NUP54: variants seen among roughly 807,000 people sequenced by gnomAD.
NUP54 encodes nucleoporin 54, also known as nucleoporin p54.
A neutral mutation model predicts 66.4 loss-of-function variants in NUP54; 27 were observed. The observed-to-expected ratio is 0.41, with a 90% CI of 0.30 to 0.56. The LOEUF (loss-of-function observed/expected upper bound fraction) is 0.56, where lower values mean the gene tolerates loss of function less well. Among genes scored for constraint, NUP54 ranks in the 20% least tolerant of loss-of-function variants. NUP54 has a pLI of 0.34. For missense variants in NUP54, 486 were observed against 596.3 expected, an observed-to-expected ratio of 0.82 and a Z score of 1.93; for synonymous variants, 206 against 210.7, an observed-to-expected ratio of 0.98 and a Z score of 0.19.
chr4:76,144,440 G>T lies in NUP54; in HGVS notation c.101C>A (p.Thr34Asn). 1 of 1,607,034 alleles carries T rather than the reference G, an allele frequency of 6.2e-7. No homozygotes were observed. The highest frequency in any genetic ancestry group is 8.5e-7 in the Non-Finnish European group (1 of 1,178,138). Residue 34 changes from threonine to asparagine, a missense_variant, in exon 2 of 12, where the codon ACT (threonine) becomes AAT (asparagine). By Grantham distance (65) the Thr-to-Asn change is moderately conservative. This residue lies in a region of NUP54 where 145 missense variants were observed against 137.1 expected (regional missense o/e 1.06). Coordinates refer to ENST00000264883, the MANE Select transcript of NUP54 (RefSeq NM_017426.4). ...GFGGFGTTST[T>N]AGSAFSFSAP... is the part of the protein sequence containing the mutation. ...AGAAAAGCTGAATGCAGAACCTGCA[G>T]TTGTAGATGTTGTCCCAAATCCTCC...
At position 76,115,107 on chromosome 4, in the gene NUP54, A is replaced by G. The variant is rs1410722588; in HGVS notation, c.*259T>C. 3 of 311,412 alleles carry G rather than the reference A, an allele frequency of 9.6e-6. No individual in the cohort carries two copies. The highest frequency in any genetic ancestry group is 6.5e-5 in the African/African-American group (3 of 46,074). The allele number at this position is 311,412 out of a possible 1,614,324, so 19.3% of individuals were successfully genotyped here. A position where few individuals can be genotyped will look rare whatever the true frequency, so the allele number is the denominator to read the frequency against. The stretch of plus-strand genomic sequence containing the variant: ...CTGTTGTAAAAATGTACAATAGTAC[A>G]TACAATTTTGGTAATTATGCACTTC... On this transcript the variant is annotated 3_prime_UTR_variant, in exon 12 of 12. Transcript: ENST00000264883.
At chr4:76,127,130 T>C (rs928938373) in intron 8 of NUP54, among the ~76,000 whole-genome samples, 1 of 152,174 alleles carries the variant, frequency 6.6e-6, no homozygotes, top group Admixed American at 6.5e-5. Context: ...CATATTTTTA[T>C]AGGCAATATT....
chr4:76,118,380 GAT>G, intron 9 of NUP54, 186 bp from the exon 10 acceptor site: 1 of 580,338 alleles, frequency 1.7e-6, no homozygotes, highest in Non-Finnish European at 3.0e-6. Context: ...TAAATACAAT[GAT>G]ATAGACTTAA....
Position 76,117,668 on chromosome 4 carries a change from T to C in NUP54, c.1391A>G (p.Lys464Arg). The C allele has an allele frequency of 6.2e-7, 1 of 1,602,886 alleles. No individual in the cohort carries two copies. The highest frequency in any genetic ancestry group is 8.5e-7 in the Non-Finnish European group (1 of 1,169,950). Residue 464 changes from lysine (K) to arginine (R), a missense_variant, in exon 11 of 12, where the codon AAG becomes AGG. Around this residue, in one of 4 missense-constraint regions of NUP54, gnomAD observed 83 missense variants for 128.6 expected, o/e 0.65. Transcript: ENST00000264883. Reference sequence around the variant, plus strand: ...GCAGCCTCATGCAACACTTACCTGCTTGATTTCTCGTAACAGATCTGCATC... The same window carrying C: ...GCAGCCTCATGCAACACTTACCTGCCTGATTTCTCGTAACAGATCTGCATC... ...YIDADLLREI[K>R]QHLKQQQEGL...
Position 76,148,366 on chromosome 4 carries a change from G to A in NUP54, c.9C>T (p.Phe3=). ...AGGTGCCCGAGGGAGCCCCAAAATT[G>A]AAGGCCATGTCGCGAAAGCAGGAGA... MA[F]NFGAPSGTSG... Residue 3 remains phenylalanine, a synonymous_variant, in exon 1 of 12, where the codon TTC becomes TTT. Coordinates refer to ENST00000264883, the MANE Select transcript of NUP54 (RefSeq NM_017426.4). 1 of 1,545,140 alleles carries A rather than the reference G, an allele frequency of 6.5e-7. No individual in the cohort carries two copies.
intron 4 of NUP54, among the ~76,000 whole-genome samples, chr4:76,135,979 T>C (rs1366244458): frequency 6.6e-6 from 1 of 152,194 alleles, no homozygotes; most frequent in Non-Finnish European, 1.5e-5. Flanking sequence ...CAGTCACACC[T>C]TCCTTCATTC....
chr4:76,122,967 T>C (rs1730298823), intron 9 of NUP54, among the ~76,000 whole-genome samples: 1 of 152,202 alleles, frequency 6.6e-6, no homozygotes. Context: ...AAAGACCATA[T>C]ATCGTTATGA....
intron 8 of NUP54, among the ~76,000 whole-genome samples, chr4:76,129,077 AATTTCCCATG>A (rs1341026773): frequency 6.6e-6 from 1 of 152,194 alleles, no homozygotes; most frequent in Admixed American, 6.5e-5. Context: ...TATAGGAGTG[AATTTCCCATG>A]ATACCAACAA....
chr4:76,116,972 G>A (rs1205199261), intron 11 of NUP54, among the ~76,000 whole-genome samples: 1 of 152,140 alleles, frequency 6.6e-6, no homozygotes, highest in African/African-American at 2.4e-5. Context: ...TAAGTATACA[G>A]TTCAGTGGCA....
intron 1 of NUP54, among the ~76,000 whole-genome samples, chr4:76,145,332 A>G (rs1240730689): frequency 6.6e-6 from 1 of 151,664 alleles, no homozygotes; most frequent in Non-Finnish European, 1.5e-5. Flanking sequence ...AAAAAAAAAA[A>G]AAAAAAATTT....
chr4:76,122,580 TTTC>T (rs1280213109), intron 9 of NUP54, among the ~76,000 whole-genome samples: 28 of 152,358 alleles, frequency 1.8e-4, no homozygotes, highest in African/African-American at 6.0e-4. Flanking sequence ...CTGTTTATAA[TTTC>T]TTTTTTTGAG....
intron 8 of NUP54, among the ~76,000 whole-genome samples, chr4:76,128,627 T>C (rs567410841): frequency 6.6e-6 from 1 of 152,324 alleles, no homozygotes; most frequent in South Asian, 2.1e-4. Context: ...AGCGTGGCTA[T>C]GTTAACACCA....
intron 9 of NUP54, among the ~76,000 whole-genome samples, chr4:76,119,152 T>C (rs1250231400): frequency 1.3e-5 from 2 of 152,196 alleles, no homozygotes; most frequent in African/African-American, 4.8e-5. Flanking sequence ...GTCTAAAAAT[T>C]ATTTCTTGGA....
chr4:76,123,105 C>T (rs6532208), intron 9 of NUP54, among the ~76,000 whole-genome samples: 79,009 of 151,974 alleles, frequency 0.52, 22,462 homozygotes, highest in East Asian at 0.95. Context: ...TGTAGGGTGA[C>T]AGAAATGTTC....
At chr4:76,116,972 G>T (rs1205199261) in intron 11 of NUP54, among the ~76,000 whole-genome samples, 1 of 152,140 alleles carries the variant, frequency 6.6e-6, no homozygotes, top group Non-Finnish European at 1.5e-5. Context: ...TAAGTATACA[G>T]TTCAGTGGCA....
chr4:76,133,833 G>C (rs1730918262), intron 5 of NUP54, among the ~76,000 whole-genome samples: 1 of 152,094 alleles, frequency 6.6e-6, no homozygotes, highest in South Asian at 2.1e-4. Flanking sequence ...GGGAAGTAAA[G>C]CAATAATATT....
At chr4:76,147,734 G>C in intron 1 of NUP54, 1 of 1,016,406 alleles carries the variant, frequency 9.8e-7, no homozygotes, top group African/African-American at 1.7e-5. Context: ...ATCAGCAGGA[G>C]GTTTCACAGA....
intron 11 of NUP54, among the ~76,000 whole-genome samples, chr4:76,116,806 G>A (rs1729970856): frequency 6.6e-6 from 1 of 152,142 alleles, no homozygotes; most frequent in African/African-American, 2.4e-5. Context: ...TGACCTTCCA[G>A]GTGCGGCTAC....
chr4:76,118,470 CT>C, intron 9 of NUP54: 1 of 266,656 alleles, frequency 3.8e-6, no homozygotes, highest in Non-Finnish European at 7.2e-6. Flanking sequence ...ACTCCTTGAC[CT>C]CTGTGGCTCA....
Sources: gnomAD v4.1 joint callset for allele counts (sites outside exome capture counted in the v4.1 genomes callset) on GRCh38, gnomAD v4.1.1 for gene constraint, gnomAD v4.1.1 regional missense constraint, MANE v1.5 for transcripts, NCBI Gene and HGNC (gene_info 2026-07-23, HGNC 2026-07-21) for gene names.